Variants in GPR158 observed in about 807,000 individuals in gnomAD.
GPR158 encodes G protein-coupled receptor 158.
GPR158 carries 30 observed loss-of-function variants against 78.2 expected under a neutral mutation model. The ratio of observed to expected loss-of-function variants is 0.38; its 90% CI spans 0.29 to 0.52. The LOEUF (loss-of-function observed/expected upper bound fraction) is 0.52, where lower values mean the gene tolerates loss of function less well. Ranked by LOEUF, GPR158 falls within the 20% of genes least tolerant of loss-of-function variation. The pLI, the probability that GPR158 is intolerant of heterozygous loss-of-function variation, is 0.83. For synonymous variants in GPR158, 581 were observed against 591.1 expected (o/e 0.98, Z 0.25); for missense variants, 1,463 against 1,523.5 (o/e 0.96, Z 0.66).
At chr10:25,559,201 T>G (rs1482788612) in intron 6 of GPR158, among the ~76,000 whole-genome samples, 4 of 152,244 alleles carry the variant, frequency 2.6e-5, no homozygotes, top group Non-Finnish European at 5.9e-5. Flanking sequence ...TGAAATGACC[T>G]TCATCATCCC....
intron 2 of GPR158, among the ~76,000 whole-genome samples, chr10:25,245,215 C>A (rs1202528464): frequency 6.6e-6 from 1 of 152,198 alleles, no homozygotes; most frequent in African/African-American, 2.4e-5. Flanking sequence ...AGGAGCCCAA[C>A]AGGGGATTAG....
chr10:25,197,797 G>A (rs1174452575), intron 1 of GPR158, among the ~76,000 whole-genome samples: 1 of 152,124 alleles, frequency 6.6e-6, no homozygotes, highest in Non-Finnish European at 1.5e-5. Context: ...TGAGAAAAGT[G>A]TTTCCTCCTC....
At chr10:25,504,571 C>G (rs1043098702) in intron 5 of GPR158, among the ~76,000 whole-genome samples, 2 of 152,156 alleles carry the variant, frequency 1.3e-5, no homozygotes, top group African/African-American at 4.8e-5. Context: ...AAAGGCACAT[C>G]TCAACTCTGC....
chr10:25,474,026 C>G (rs1228674457), intron 5 of GPR158, among the ~76,000 whole-genome samples: 1 of 151,908 alleles, frequency 6.6e-6, no homozygotes, highest in Admixed American at 6.6e-5. Context: ...GACCATGGAT[C>G]CTAAGTGAAA....
intron 4 of GPR158, among the ~76,000 whole-genome samples, chr10:25,430,383 C>T (rs956876471): frequency 1.3e-5 from 2 of 150,168 alleles, no homozygotes; most frequent in South Asian, 2.1e-4. Context: ...AATGGAAGAA[C>T]ATTCCATGCT....
At chr10:25,225,093 T>C (rs1279071807) in intron 2 of GPR158, among the ~76,000 whole-genome samples, 3 of 152,048 alleles carry the variant, frequency 2.0e-5, no homozygotes, top group African/African-American at 7.2e-5. Context: ...GTTTTTGTTG[T>C]TGTTGTTTTT....
At chr10:25,184,359 T>A (rs909413367) in intron 1 of GPR158, among the ~76,000 whole-genome samples, 2 of 152,132 alleles carry the variant, frequency 1.3e-5, no homozygotes, top group African/African-American at 4.8e-5. Flanking sequence ...CCTGGCTAAT[T>A]TTTTAATTTT....
intron 4 of GPR158, among the ~76,000 whole-genome samples, chr10:25,418,511 G>A (rs950278242): frequency 2.0e-5 from 3 of 151,988 alleles, no homozygotes; most frequent in African/African-American, 7.2e-5. Flanking sequence ...TGAGCCCAGT[G>A]TGTTCTTCTA....
intron 5 of GPR158, among the ~76,000 whole-genome samples, chr10:25,546,662 C>T (rs984149119): frequency 5.9e-5 from 9 of 152,262 alleles, no homozygotes; most frequent in Admixed American, 1.3e-4. Context: ...TGTGCCAGGA[C>T]GCTGCTAGTG....
intron 5 of GPR158, among the ~76,000 whole-genome samples, chr10:25,546,625 C>T (rs1490637143): frequency 6.6e-6 from 1 of 152,060 alleles, no homozygotes; most frequent in Non-Finnish European, 1.5e-5. Flanking sequence ...TCCTTTCATC[C>T]AAGAAATATT....
At chr10:25,451,708 A>T (rs1835219162) in intron 4 of GPR158, among the ~76,000 whole-genome samples, 1 of 152,164 alleles carries the variant, frequency 6.6e-6, no homozygotes, top group African/African-American at 2.4e-5. Context: ...TTTTTCAATT[A>T]TAAAGCGCGT....
chr10:25,276,535 CATA>C (rs1854185589), intron 2 of GPR158, among the ~76,000 whole-genome samples: 1 of 152,080 alleles, frequency 6.6e-6, no homozygotes, highest in African/African-American at 2.4e-5. Context: ...GTGATAAAGT[CATA>C]ATGCTCTAAA....
At chr10:25,428,160 A>G (rs1588858823) in intron 4 of GPR158, among the ~76,000 whole-genome samples, 1 of 152,080 alleles carries the variant, frequency 6.6e-6, no homozygotes, top group African/African-American at 2.4e-5. Context: ...TATAAAAGAA[A>G]CTTCATTTTT....
Position 25,239,267 on chromosome 10 carries a change from C to T in GPR158, c.1008+18110C>T, listed in dbSNP as rs368890809. Among the ~76,000 whole-genome samples, 374 of 152,124 alleles carry T rather than the reference C, an allele frequency of 2.5e-3. 2 individuals carry two copies. The highest frequency in any genetic ancestry group is 3.4e-3 in the Middle Eastern group (1 of 294). ...GGAGTGAGAGATATGGGTGAGAGGA[C>T]GCCCAGCCGCAACCAAACTCAAGAT... is the stretch of plus-strand genomic sequence containing the variant. On this transcript the variant is annotated intron_variant, in intron 2 of 10. Transcript: ENST00000376351.
rs539738186 is a variant in GPR158, at chr10:25,207,901, T to G, written c.903-13151T>G. Among the ~76,000 whole-genome samples, 6 of 152,342 alleles carry G rather than the reference T, an allele frequency of 3.9e-5. No individual in the cohort carries two copies. The East Asian group carries it at 1.2e-3, about 29-fold the overall frequency. On this transcript the variant is annotated intron_variant, in intron 1 of 10. Coordinates refer to ENST00000376351, the MANE Select transcript of GPR158 (RefSeq NM_020752.3). The stretch of plus-strand genomic sequence containing the variant: ...CAATGTAAGTGCTGCCTTTCCTAAT[T>G]AATATTCTCTGGTATATTGGTTAGC...
chr10:25,589,153 ATC>A lies in GPR158; in HGVS notation c.1892+10_1892+11del. ...TATATTCCATACAATTAGGCAAGTGATCTGTAGAGCTAGTAAATAACTATTTT... is the reference window on the plus strand; with the variant it reads ...TATATTCCATACAATTAGGCAAGTGATGTAGAGCTAGTAAATAACTATTTT... On this transcript the variant is annotated intron_variant, in intron 8 of 10. Coordinates refer to ENST00000376351, the MANE Select transcript of GPR158 (RefSeq NM_020752.3). 3 of 1,580,320 alleles carry A rather than the reference ATC, an allele frequency of 1.9e-6. No homozygotes were observed. Among genetic ancestry groups the A allele is most frequent in the Non-Finnish European group, 2.6e-6 (3 of 1,155,798 alleles).
chr10:25,190,290 C>T (rs1324415017), intron 1 of GPR158, among the ~76,000 whole-genome samples: 2 of 152,040 alleles, frequency 1.3e-5, no homozygotes. Flanking sequence ...AAATGAATTT[C>T]CTAGAAGAAA....
At chr10:25,554,023 C>T (rs563035545) in intron 6 of GPR158, among the ~76,000 whole-genome samples, 5 of 152,086 alleles carry the variant, frequency 3.3e-5, no homozygotes, top group South Asian at 2.1e-4. Context: ...CAATGGATTT[C>T]GCTGAACAGA....
chr10:25,397,359 G>A (rs1280808130), intron 3 of GPR158, among the ~76,000 whole-genome samples: 1 of 152,192 alleles, frequency 6.6e-6, no homozygotes, highest in Admixed American at 6.5e-5. Flanking sequence ...AAAGACTGTA[G>A]TGGTAACAGG....
Sources: allele counts gnomAD v4.1 joint callset (sites outside exome capture counted in the v4.1 genomes callset), GRCh38; gene constraint gnomAD v4.1.1; transcripts MANE v1.5; gene names NCBI Gene and HGNC (gene_info 2026-07-23, HGNC 2026-07-21).